The following PAX5 variants were observed in gnomAD, a reference collection of about 807,000 sequenced individuals.
PAX5 encodes the protein paired box protein Pax-5.
Under a neutral mutation model 43.7 loss-of-function variants are expected in PAX5, and 9 were observed. The observed-to-expected ratio is 0.21, with a 90% CI of 0.12 to 0.36. The LOEUF is 0.36. PAX5 is among the 10% of genes least tolerant of loss of function. PAX5 has a pLI of 1.00. For synonymous variants in PAX5, 228 were observed against 214.3 expected, an observed-to-expected ratio of 1.06 and a Z score of -0.56; for missense variants, 383 against 532.7, an observed-to-expected ratio of 0.72 and a Z score of 2.77.
At chr9:36,917,888 A>G (rs887477535) in intron 7 of PAX5, among the ~76,000 whole-genome samples, 7 of 152,102 alleles carry the variant, frequency 4.6e-5, no homozygotes, top group Admixed American at 2.6e-4. Flanking sequence ...TTATTATTAT[A>G]TCTGTTATGG....
intron 9 of PAX5, among the ~76,000 whole-genome samples, chr9:36,846,579 C>T (rs1211448379): frequency 6.6e-6 from 1 of 152,224 alleles, no homozygotes; most frequent in Non-Finnish European, 1.5e-5. Flanking sequence ...CTTCAATGCC[C>T]CTTTTTTCCT....
chr9:36,932,304 A>G (rs193038766), intron 6 of PAX5, among the ~76,000 whole-genome samples: 2 of 152,364 alleles, frequency 1.3e-5, no homozygotes, highest in African/African-American at 2.4e-5. Flanking sequence ...GATTCATTCT[A>G]GAATATTTAC....
chr9:36,982,652 AT>A (rs1464954143), intron 5 of PAX5, among the ~76,000 whole-genome samples: 1 of 152,228 alleles, frequency 6.6e-6, no homozygotes, highest in Non-Finnish European at 1.5e-5. Context: ...GGCAAGGGGC[AT>A]CCCAGACAAG....
intron 4 of PAX5, among the ~76,000 whole-genome samples, chr9:37,005,211 C>A (rs1021709156): frequency 1.1e-4 from 17 of 152,216 alleles, no homozygotes; most frequent in African/African-American, 3.6e-4. Flanking sequence ...CTTCTGCCCC[C>A]ACAGCACCCA....
At chr9:36,977,005 G>C (rs993606032) in intron 5 of PAX5, among the ~76,000 whole-genome samples, 1 of 152,172 alleles carries the variant, frequency 6.6e-6, no homozygotes, top group Non-Finnish European at 1.5e-5. Context: ...TCCCACCAGA[G>C]CTAGAGAGAG....
intron 7 of PAX5, among the ~76,000 whole-genome samples, chr9:36,919,096 G>A (rs1462657543): frequency 6.6e-6 from 1 of 152,142 alleles, no homozygotes; most frequent in African/African-American, 2.4e-5. Flanking sequence ...TAAAGCCAAT[G>A]CTCCTATATC....
At chr9:36,979,494 A>T (rs1482052798) in intron 5 of PAX5, among the ~76,000 whole-genome samples, 1 of 152,256 alleles carries the variant, frequency 6.6e-6, no homozygotes, top group Non-Finnish European at 1.5e-5. Context: ...CGACAAAATG[A>T]TAACAATCGC....
chr9:36,878,558 G>A (rs1291797075), intron 8 of PAX5, among the ~76,000 whole-genome samples: 1 of 152,236 alleles, frequency 6.6e-6, no homozygotes, highest in Admixed American at 6.5e-5. Flanking sequence ...GAACTGATGG[G>A]TGAGAGTCCA....
intron 5 of PAX5, among the ~76,000 whole-genome samples, chr9:37,001,861 T>C (rs898923683): frequency 1.6e-5 from 2 of 125,794 alleles, no homozygotes; most frequent in Non-Finnish European, 3.2e-5. Context: ...TTTTACAGGC[T>C]CCCAGGGGGT....
intron 8 of PAX5, among the ~76,000 whole-genome samples, chr9:36,870,564 T>C (rs1418894904): frequency 1.3e-5 from 2 of 152,268 alleles, no homozygotes; most frequent in Admixed American, 1.3e-4. Flanking sequence ...AATGTTACAA[T>C]TTGTAAACAT....
chr9:37,032,868 G>C (rs554440694), intron 1 of PAX5, among the ~76,000 whole-genome samples: 3 of 152,242 alleles, frequency 2.0e-5, no homozygotes, highest in Non-Finnish European at 4.4e-5. Context: ...GAGGCACATG[G>C]GGACCTAAGC....
intron 8 of PAX5, among the ~76,000 whole-genome samples, chr9:36,881,171 G>A (rs1826377818): frequency 6.6e-6 from 1 of 151,982 alleles, no homozygotes. Context: ...ACACCACACT[G>A]TACCCTATAG....
intron 9 of PAX5, among the ~76,000 whole-genome samples, chr9:36,843,654 T>C (rs903811852): frequency 2.0e-5 from 3 of 152,224 alleles, no homozygotes; most frequent in African/African-American, 4.8e-5. Context: ...GCCTGCTTCT[T>C]TGAGCCAGAA....
intron 7 of PAX5, among the ~76,000 whole-genome samples, chr9:36,905,710 G>A (rs1433865430): frequency 2.0e-5 from 3 of 152,128 alleles, no homozygotes; most frequent in Admixed American, 6.5e-5. Flanking sequence ...AGGAGGATAG[G>A]AGAGGGAAAA....
chr9:36,985,553 G>T (rs192242203), intron 5 of PAX5, among the ~76,000 whole-genome samples: 46 of 152,308 alleles, frequency 3.0e-4, no homozygotes, highest in African/African-American at 1.1e-3. Context: ...TTCTGCCCTT[G>T]GAACTCAAGG....
chr9:36,858,498 T>TC (rs1324758517), intron 8 of PAX5, among the ~76,000 whole-genome samples: 1 of 151,982 alleles, frequency 6.6e-6, no homozygotes, highest in Admixed American at 6.6e-5. Context: ...ATAGTTTTCC[T>TC]CCCCCCAGTT....
chr9:36,983,875 G>C (rs1836150424), intron 5 of PAX5, among the ~76,000 whole-genome samples: 1 of 152,134 alleles, frequency 6.6e-6, no homozygotes. Flanking sequence ...AATTTGTCTT[G>C]CTAAAAAGGG....
chr9:36,892,713 G>GGCA (rs1418256946), intron 7 of PAX5, among the ~76,000 whole-genome samples: 2 of 152,240 alleles, frequency 1.3e-5, no homozygotes, highest in African/African-American at 4.8e-5. Flanking sequence ...AAGGAAGGAA[G>GGCA]GCAGCAATCC....
At chr9:36,962,453 G>A (rs7859228) in intron 6 of PAX5, among the ~76,000 whole-genome samples, 1,889 of 152,264 alleles carry the variant, frequency 0.012, 38 homozygotes, top group African/African-American at 0.041. Context: ...TGGGGCTCCC[G>A]AATCATGCCC....
Sources: allele counts gnomAD v4.1 joint callset (sites outside exome capture counted in the v4.1 genomes callset), GRCh38; gene constraint gnomAD v4.1.1; transcripts MANE v1.5; gene names NCBI Gene and HGNC (gene_info 2026-07-23, HGNC 2026-07-21).